ARHGAP15: variants seen among roughly 807,000 people sequenced by gnomAD.
ARHGAP15 encodes the protein rho GTPase-activating protein 15.
Under a neutral mutation model 63.7 loss-of-function variants are expected in ARHGAP15, and 51 were observed. The observed-to-expected ratio is 0.80, with a 90% CI of 0.64 to 1.01. The LOEUF (loss-of-function observed/expected upper bound fraction) is 1.01. Among genes scored for constraint, ARHGAP15 ranks in the 50% least tolerant of loss-of-function variants. The pLI is 0.00. For missense variants in ARHGAP15, 560 were observed against 564.6 expected (o/e 0.99, Z 0.08); for synonymous variants, 191 against 193.8 (o/e 0.99, Z 0.12).
chr2:143,698,472 T>C (rs1265722933), intron 12 of ARHGAP15, among the ~76,000 whole-genome samples: 2 of 152,116 alleles, frequency 1.3e-5, no homozygotes, highest in Admixed American at 1.3e-4. Flanking sequence ...TCACATCACG[T>C]AGGTGTTACT....
intron 1 of ARHGAP15, among the ~76,000 whole-genome samples, chr2:143,144,092 GA>G (rs1276712172): frequency 1.3e-5 from 2 of 151,980 alleles, no homozygotes; most frequent in African/African-American, 2.4e-5. Flanking sequence ...CAAAGGACAT[GA>G]TCTCATTCTT....
chr2:143,447,537 C>A (rs1168999330), intron 8 of ARHGAP15, among the ~76,000 whole-genome samples: 1 of 152,062 alleles, frequency 6.6e-6, no homozygotes, highest in Non-Finnish European at 1.5e-5. Context: ...GGGAGTAATC[C>A]TAGCTGACCT....
rs566022391 is a variant in ARHGAP15 at position 143,498,536 on chromosome 2, T to C, written c.826+11041T>C. ...AACAGATCTGAAAACATAAACTTTA[T>C]GTAGCATTGCTCCTCCTTAGATATT... On this transcript the variant is annotated intron_variant, in intron 9 of 13. Coordinates refer to ENST00000295095, the MANE Select transcript of ARHGAP15 (RefSeq NM_018460.4). Among the ~76,000 whole-genome samples, 14 of 152,354 alleles carry C rather than the reference T, an allele frequency of 9.2e-5. No individual in the cohort carries two copies. In the South Asian group the frequency reaches 1.9e-3, roughly 20 times the overall value.
chr2:143,610,972 A>G (rs187219707), intron 11 of ARHGAP15, among the ~76,000 whole-genome samples: 2 of 152,098 alleles, frequency 1.3e-5, no homozygotes, highest in East Asian at 1.9e-4. Flanking sequence ...CAAGTGATCC[A>G]ACCACCTTGG....
chr2:143,639,986 C>T, intron 12 of ARHGAP15, among the ~76,000 whole-genome samples: 1 of 152,002 alleles, frequency 6.6e-6, no homozygotes, highest in East Asian at 1.9e-4. Flanking sequence ...ATTTGTTTCC[C>T]AGGCTTGTAT....
At chr2:143,384,839 CTTACCTT>C (rs1032607955) in intron 6 of ARHGAP15, among the ~76,000 whole-genome samples, 3 of 152,188 alleles carry the variant, frequency 2.0e-5, no homozygotes, top group Non-Finnish European at 2.9e-5. Context: ...CCGGGGATAC[CTTACCTT>C]ACCCCATTAT....
intron 6 of ARHGAP15, among the ~76,000 whole-genome samples, chr2:143,418,725 A>G (rs911171727): frequency 2.0e-5 from 3 of 152,218 alleles, no homozygotes; most frequent in Non-Finnish European, 2.9e-5. Flanking sequence ...TGTCCCATGA[A>G]CAATGTGGAT....
intron 6 of ARHGAP15, among the ~76,000 whole-genome samples, chr2:143,278,640 A>G (rs1181690168): frequency 1.3e-5 from 2 of 152,150 alleles, no homozygotes; most frequent in East Asian, 3.9e-4. Context: ...AGAGTTCCAT[A>G]GTGCCTCAAA....
intron 12 of ARHGAP15, among the ~76,000 whole-genome samples, chr2:143,645,003 T>A (rs775486794): frequency 1.3e-5 from 2 of 152,086 alleles, no homozygotes; most frequent in Non-Finnish European, 2.9e-5. Context: ...CTTCGTACAG[T>A]GAGCATGTTT....
intron 13 of ARHGAP15, among the ~76,000 whole-genome samples, chr2:143,749,909 T>G (rs1686306640): frequency 1.3e-5 from 2 of 152,168 alleles, no homozygotes; most frequent in Non-Finnish European, 2.9e-5. Flanking sequence ...GTGTAACCTT[T>G]GGACAGATCA....
In ARHGAP15 at chr2:143,305,182, A is replaced by G. The variant is rs542817499; in HGVS notation, c.474+54582A>G. Among the ~76,000 whole-genome samples, 5 of 152,182 alleles carry G rather than the reference A, an allele frequency of 3.3e-5. 1 individual carries two copies. Among genetic ancestry groups the G allele is most frequent in the African/African-American group, 1.2e-4 (5 of 41,538 alleles). On this transcript the variant is annotated intron_variant, in intron 6 of 13. Transcript: ENST00000295095. ...ATGAGTTCATGTCCTTTTCAGGGACATGGATGAAGCTGGAAACCATCATTC... is the reference window on the plus strand; with the variant it reads ...ATGAGTTCATGTCCTTTTCAGGGACGTGGATGAAGCTGGAAACCATCATTC...
chr2:143,196,951 T>C (rs1021987039), intron 2 of ARHGAP15, among the ~76,000 whole-genome samples: 1 of 151,974 alleles, frequency 6.6e-6, no homozygotes, highest in African/African-American at 2.4e-5. Flanking sequence ...TATTCTTCTA[T>C]TCAAGTTTTC....
chr2:143,487,491 TA>T lies in ARHGAP15; in HGVS notation c.825del (p.Asp276IlefsTer23). ...AAACTCTGCAAGAAAAAGGACTTAT[TA>T]AAGGTACAGGTCATTTTATACTTGT... ...LKTLQEKGLI[K>X]DQIFGSHLHK... is the part of the protein sequence containing the mutation. On this transcript the variant is annotated frameshift_variant, in exon 9 of 14. Coordinates refer to ENST00000295095, the MANE Select transcript of ARHGAP15 (RefSeq NM_018460.4). LOFTEE classifies it high-confidence loss of function. 1.2e-6 allele frequency: 2 copies of T among 1,612,540 alleles called. No homozygotes were observed. Among genetic ancestry groups the T allele is most frequent in the Non-Finnish European group, 1.7e-6 (2 of 1,179,514 alleles).
intron 2 of ARHGAP15, among the ~76,000 whole-genome samples, chr2:143,191,658 G>T (rs1691687697): frequency 6.6e-6 from 1 of 152,172 alleles, no homozygotes; most frequent in South Asian, 2.1e-4. Context: ...TGATTTATCA[G>T]GGAACTTTGA....
At chr2:143,267,150 G>A (rs1351312307) in intron 6 of ARHGAP15, among the ~76,000 whole-genome samples, 1 of 152,010 alleles carries the variant, frequency 6.6e-6, no homozygotes, top group Non-Finnish European at 1.5e-5. Context: ...AGTTGGCATG[G>A]TAAAGAATTG....
chr2:143,470,204 A>G (rs1179511910), intron 8 of ARHGAP15, among the ~76,000 whole-genome samples: 1 of 151,950 alleles, frequency 6.6e-6, no homozygotes, highest in African/African-American at 2.4e-5. Flanking sequence ...TCTTTAAGAA[A>G]GAGCTCAACA....
intron 5 of ARHGAP15, chr2:143,235,982 T>C (rs768380650): frequency 2.0e-5 from 31 of 1,544,348 alleles, no homozygotes; most frequent in Non-Finnish European, 8.7e-7. Context: ...CACCTGACCA[T>C]GTTCATGGGA....
intron 6 of ARHGAP15, among the ~76,000 whole-genome samples, chr2:143,373,427 G>C (rs1319000819): frequency 6.6e-6 from 1 of 151,948 alleles, no homozygotes; most frequent in Non-Finnish European, 1.5e-5. Flanking sequence ...TCAGGAGATC[G>C]AGACCATCCT....
chr2:143,722,179 ACACACACACACT>A (rs1410618228), intron 13 of ARHGAP15, among the ~76,000 whole-genome samples: 1 of 151,430 alleles, frequency 6.6e-6, no homozygotes, highest in Middle Eastern at 3.4e-3. Context: ...AGAAACACAC[ACACACACACACT>A]CACACACACA....
Sources: gnomAD v4.1 joint callset for allele counts (sites outside exome capture counted in the v4.1 genomes callset) on GRCh38, gnomAD v4.1.1 for gene constraint, MANE v1.5 for transcripts, NCBI Gene and HGNC (gene_info 2026-07-23, HGNC 2026-07-21) for gene names.